NEK9: variants seen among roughly 807,000 people sequenced by gnomAD.
NEK9 encodes serine/threonine-protein kinase Nek9.
Under a neutral mutation model 123.4 loss-of-function variants are expected in NEK9, and 75 were observed. The observed-to-expected ratio is 0.61, with a 90% CI of 0.50 to 0.74. The LOEUF is 0.74. Ranked by LOEUF, NEK9 falls within the 30% of genes least tolerant of loss-of-function variation. NEK9 has a pLI of 0.00. For missense variants in NEK9, 952 were observed against 1,214.4 expected, an observed-to-expected ratio of 0.78 and a Z score of 3.21; for synonymous variants, 438 against 458.7, an observed-to-expected ratio of 0.95 and a Z score of 0.58.
At chr14:75,121,770 G>A (rs1895344066) in intron 2 of NEK9, among the ~76,000 whole-genome samples, 1 of 152,206 alleles carries the variant, frequency 6.6e-6, no homozygotes, top group African/African-American at 2.4e-5. Flanking sequence ...AGGGTCGCCT[G>A]AGCGTGGGAG....
intron 13 of NEK9, among the ~76,000 whole-genome samples, chr14:75,105,048 T>C (rs1186513577): frequency 2.6e-5 from 4 of 152,136 alleles, no homozygotes; most frequent in Non-Finnish European, 4.4e-5. Context: ...GACAGAGTAC[T>C]GAGGTAATAT....
At chr14:75,117,131 G>C in intron 6 of NEK9, 64 bp downstream of exon 6, 1 of 1,538,548 alleles carries the variant, frequency 6.5e-7, no homozygotes. Flanking sequence ...GAGTTGATCT[G>C]CTTAGTCAAG....
intron 6 of NEK9, chr14:75,116,508 G>T: frequency 2.8e-6 from 1 of 357,960 alleles, no homozygotes; most frequent in Non-Finnish European, 5.8e-6. Flanking sequence ...CTAGGAAAGT[G>T]ATGCAGTAGC....
intron 1 of NEK9, among the ~76,000 whole-genome samples, chr14:75,124,944 T>A (rs1895470941): frequency 6.6e-6 from 1 of 150,996 alleles, no homozygotes; most frequent in Admixed American, 6.6e-5. Context: ...CTAAATTTTT[T>A]TTTTTTTTTT....
chr14:75,127,132 A>C, upstream of NEK9: 1 of 506,812 alleles, frequency 2.0e-6, no homozygotes, highest in South Asian at 2.9e-5. Context: ...CCTCTTGGCT[A>C]GTCTAGCGGC....
Position 75,107,391 on chromosome 14 carries a change from C to G in NEK9, c.1279G>C (p.Ala427Pro), listed in dbSNP as rs924654519. 5.1e-5 allele frequency: 82 copies of G among 1,613,874 alleles called. No individual in the cohort carries two copies. The highest frequency in any genetic ancestry group is 6.9e-5 in the Non-Finnish European group (81 of 1,179,984). Reference sequence around the variant, plus strand: ...TCACCACATGACACCTGACGGATAGCTTTGCCTTGCAACTTTTCCACATGC... The same window carrying G: ...TCACCACATGACACCTGACGGATAGGTTTGCCTTGCAACTTTTCCACATGC... The part of the protein sequence containing the change: ...PKHVEKLQGK[A>P]IRQVSCGDDF... The change falls in exon 11 of 22, where the codon GCT becomes CCT. Residue 427 changes from alanine to proline, a missense_variant. Around this residue, in one of 4 missense-constraint regions of NEK9, gnomAD observed 698 missense variants for 875.6 expected, o/e 0.80. Coordinates refer to ENST00000238616, the MANE Select transcript of NEK9 (RefSeq NM_033116.6).
chr14:75,107,222 C>T, intron 11 of NEK9, 121 bp downstream of exon 11: 1 of 1,047,734 alleles, frequency 9.5e-7, no homozygotes, highest in South Asian at 1.6e-5. Flanking sequence ...TATATTTGCT[C>T]AAGGTCCTCT....
chr14:75,106,514 A>T lies in NEK9; in HGVS notation c.1516T>A (p.Cys506Ser), dbSNP rs1424959502. 6.2e-7 allele frequency: 1 copy of T among 1,613,994 alleles called. No individual in the cohort carries two copies. The highest frequency in any genetic ancestry group is 8.5e-7 in the Non-Finnish European group (1 of 1,180,028). ...TRNKEVYSWGCGEYGRLGLDS... is the reference protein window; with the variant it reads ...TRNKEVYSWGSGEYGRLGLDS... Reference sequence around the variant, plus strand: ...AGGCTACCCCTACCATATTCGCCACAGCCCCAAGAATAGACTTCCTTGTTT... The same window carrying T: ...AGGCTACCCCTACCATATTCGCCACTGCCCCAAGAATAGACTTCCTTGTTT... Residue 506 changes from cysteine (C) to serine (S), a missense_variant, in exon 12 of 22, where the codon TGT becomes AGT. Cys to Ser is a moderately radical substitution (Grantham distance 112). Transcript: ENST00000238616.
chr14:75,121,674 C>A (rs1395629660), intron 2 of NEK9, among the ~76,000 whole-genome samples: 1 of 152,180 alleles, frequency 6.6e-6, no homozygotes, highest in African/African-American at 2.4e-5. Context: ...CACGGCAAAA[C>A]CCTTGTCTCT....
intron 14 of NEK9, 141 bp downstream of exon 14, chr14:75,103,701 G>C (rs1894666694): frequency 2.3e-6 from 2 of 855,098 alleles, no homozygotes; most frequent in Admixed American, 2.9e-5. Context: ...TTTGTGGCTG[G>C]CTTCTTTTTC....
At chr14:75,103,762 A>T in intron 14 of NEK9, 80 bp downstream of exon 14, 1 of 1,452,170 alleles carries the variant, frequency 6.9e-7, no homozygotes, top group Non-Finnish European at 9.3e-7. Flanking sequence ...CATGGTCACT[A>T]ACCAATAATG....
At chr14:75,093,863 G>A (rs1392371337) in intron 18 of NEK9, among the ~76,000 whole-genome samples, 1 of 152,184 alleles carries the variant, frequency 6.6e-6, no homozygotes, top group Admixed American at 6.5e-5. Context: ...CACTCCAATG[G>A]ATGGTTATAA....
chr14:75,120,739 G>C, intron 3 of NEK9, 159 bp from the exon 4 acceptor site: 1 of 616,044 alleles, frequency 1.6e-6, no homozygotes, highest in Non-Finnish European at 2.8e-6. Context: ...GCAAAGAAAA[G>C]TGAAGGGGTA....
intron 21 of NEK9, among the ~76,000 whole-genome samples, chr14:75,085,631 A>C (rs1330633076): frequency 1.3e-5 from 2 of 152,258 alleles, no homozygotes; most frequent in Non-Finnish European, 1.5e-5. Context: ...AAAACAAGTT[A>C]GACAACACCC....
At chr14:75,110,249 C>A in intron 9 of NEK9, 72 bp downstream of exon 9, 4 of 1,145,960 alleles carry the variant, frequency 3.5e-6, no homozygotes, top group South Asian at 1.3e-5. Flanking sequence ...TCAAATAATG[C>A]CTACACTCAA....
In NEK9 at chr14:75,084,676, T is replaced by A. The variant is rs754880645; in HGVS notation, c.2828A>T (p.His943Leu). Residue 943 changes from histidine to leucine, a missense_variant, in exon 22 of 22, where the codon CAT becomes CTT. His to Leu is a moderately conservative substitution (Grantham distance 99). Coordinates refer to ENST00000238616, the MANE Select transcript of NEK9 (RefSeq NM_033116.6). The part of the protein sequence containing the change: ...KLEGGQQVGM[H>L]SKGTQTAKEE... The stretch of plus-strand genomic sequence containing the variant: ...CTTTGCTGTCTGAGTTCCTTTGGAA[T>A]GCATCCCCACCTGTCCGGATAAAAC... 1 of 1,614,004 alleles carries A rather than the reference T, an allele frequency of 6.2e-7. No homozygotes were observed. The highest frequency in any genetic ancestry group is 8.5e-7 in the Non-Finnish European group (1 of 1,180,020).
At chr14:75,127,155 C>T (rs1895571456), upstream of NEK9, 1 of 466,666 alleles carries the variant, frequency 2.1e-6, no homozygotes. Flanking sequence ...AGGCTTCCCG[C>T]TTTCGGGGAA....
rs147365841 is a variant in NEK9 at position 75,106,121 on chromosome 14, C to T, written c.1529-125G>A. The T allele has an allele frequency of 7.3e-3, 6,013 of 818,646 alleles. 62 individuals are homozygous for T. Among genetic ancestry groups the T allele is most frequent in the Non-Finnish European group, 8.2e-3 (3,941 of 482,842 alleles). The allele number at this position is 818,646 out of a possible 1,614,324, so 50.7% of individuals were successfully genotyped here. A position where few individuals can be genotyped will look rare whatever the true frequency, so the allele number is the denominator to read the frequency against. On this transcript the variant is annotated intron_variant, in intron 12 of 21. Transcript: ENST00000238616. ...CTGTAATCCCAGCACTTTGGGAGGC[C>T]GAGGCAGGTGGATCATGAGGTCAGA...
At position 75,126,837 on chromosome 14, in the gene NEK9, T is replaced by G; in HGVS notation, c.85A>C (p.Ser29Arg). The change falls in exon 1 of 22, where the codon AGT (serine) becomes CGT (arginine). Residue 29 changes from serine to arginine, a missense_variant. Around this residue, in one of 4 missense-constraint regions of NEK9, gnomAD observed 120 missense variants for 97.6 expected, o/e 1.23. Transcript: ENST00000238616. ...CCCTGACTGGCGCTAGGCCCCGGAC[T>G]CGAGTCCCCGCAACCCCCGGACTCG... ...GSESGGCGDS[S>R]PGPSASQGPR... The G allele has an allele frequency of 6.5e-7, 1 of 1,533,708 alleles. No homozygotes were observed. The highest frequency in any genetic ancestry group is 8.8e-7 in the Non-Finnish European group (1 of 1,140,626).
Sources: allele counts gnomAD v4.1 joint callset (sites outside exome capture counted in the v4.1 genomes callset), GRCh38; gene constraint gnomAD v4.1.1; regional missense constraint gnomAD v4.1.1; transcripts MANE v1.5; gene names NCBI Gene and HGNC (gene_info 2026-07-23, HGNC 2026-07-21).